Variants in SPTSSA observed in about 807,000 individuals in gnomAD.
SPTSSA encodes the protein small subunit of serine palmitoyltransferase A.
In SPTSSA, 8 loss-of-function variants were observed where a neutral mutation model predicts 9.1. That is an observed-to-expected ratio of 0.88 (90% confidence interval 0.51 to 1.58). SPTSSA has a LOEUF of 1.58. SPTSSA is among the 40% of genes most tolerant of loss of function. The pLI is 0.00. For synonymous variants in SPTSSA, 42 were observed against 37.7 expected, an observed-to-expected ratio of 1.11 and a Z score of -0.41; for missense variants, 100 against 93.8, an observed-to-expected ratio of 1.07 and a Z score of -0.27.
intron 1 of SPTSSA, among the ~76,000 whole-genome samples, chr14:34,443,363 T>TGTGTGTGA (rs1232914515): frequency 6.3e-5 from 1 of 15,872 alleles, no homozygotes; most frequent in African/African-American, 3.2e-4. Context: ...TGAGTGTGTG[T>TGTGTGTGA]GTGTGTGTGT....
intron 1 of SPTSSA, among the ~76,000 whole-genome samples, chr14:34,450,861 T>C (rs1466039101): frequency 6.6e-6 from 1 of 152,198 alleles, no homozygotes; most frequent in Non-Finnish European, 1.5e-5. Flanking sequence ...TCAGAGGTTA[T>C]TCATAACCTG....
chr14:34,435,030 G>T lies in SPTSSA; in HGVS notation c.*171C>A. 2.2e-6 allele frequency: 1 copy of T among 448,820 alleles called. No homozygotes were observed. The highest frequency in any genetic ancestry group is 4.0e-6 in the Non-Finnish European group (1 of 249,140). The allele number at this position is 448,820 out of a possible 1,614,324, so 27.8% of individuals were successfully genotyped here. ...AGCCTCTTTGAAAATTAAAAATAAA[G>T]AACACAACACATGAGTCAGGATGAT... On this transcript the variant is annotated 3_prime_UTR_variant, in exon 2 of 2. Coordinates refer to ENST00000298130, the MANE Select transcript of SPTSSA (RefSeq NM_138288.4).
Position 34,435,148 on chromosome 14 carries a change from A to C in SPTSSA, c.*53T>G. On this transcript the variant is annotated 3_prime_UTR_variant, in exon 2 of 2. Coordinates refer to ENST00000298130, the MANE Select transcript of SPTSSA (RefSeq NM_138288.4). ...TATCACATCTGATGGTCTCATTCCA[A>C]CTTCGTAGGGTGGGTCTTCCCCAAG... 4 of 1,459,760 alleles carry C rather than the reference A, an allele frequency of 2.7e-6. No individual in the cohort carries two copies. In the Admixed American group the frequency reaches 5.4e-5, roughly 20 times the overall value. 90.4% of individuals were successfully genotyped at this position (1,459,760 alleles called of 1,614,324 possible).
chr14:34,450,925 A>G (rs148336586), intron 1 of SPTSSA, among the ~76,000 whole-genome samples: 2,242 of 152,290 alleles, frequency 0.015, 31 homozygotes, highest in Middle Eastern at 0.048. Flanking sequence ...AGTAGATGTG[A>G]AGCCATATAT....
intron 1 of SPTSSA, among the ~76,000 whole-genome samples, chr14:34,443,908 A>G (rs1883376073): frequency 6.6e-6 from 1 of 152,150 alleles, no homozygotes; most frequent in South Asian, 2.1e-4. Flanking sequence ...AAATTTGCAA[A>G]CTATTTGTGA....
At chr14:34,442,085 A>G (rs1309243452) in intron 1 of SPTSSA, among the ~76,000 whole-genome samples, 1 of 152,138 alleles carries the variant, frequency 6.6e-6, no homozygotes, top group Non-Finnish European at 1.5e-5. Context: ...CATGTTGGCC[A>G]GGCTGGTCTC....
rs181057159 is a variant in SPTSSA at position 34,451,526 on chromosome 14, G to A, written c.112+10570C>T. Among the ~76,000 whole-genome samples the A allele has an allele frequency of 2.5e-3, 386 of 151,858 alleles. 2 individuals carry two copies. The highest frequency in any genetic ancestry group is 5.1e-3 in the East Asian group (26 of 5,140). On this transcript the variant is annotated intron_variant, in intron 1 of 1. Coordinates refer to ENST00000298130, the MANE Select transcript of SPTSSA (RefSeq NM_138288.4). ...ATCACGAGGTCAGGAGATCGAGACC[G>A]TCCTGGCTAACACGGTGAAACCCCG... is the stretch of plus-strand genomic sequence containing the variant.
chr14:34,462,116 G>A lies in SPTSSA; in HGVS notation c.92C>T (p.Pro31Leu). ...LLVTALYMLE[P>L]WERTVFNSML... The stretch of plus-strand genomic sequence containing the variant: ...GATACTGAACACCGTCCGCTCCCAG[G>A]GCTCCAGCATGTAGAGCGCCGTGAC... Residue 31 changes from proline to leucine, a missense_variant, in exon 1 of 2, where the codon CCC (proline) becomes CTC (leucine). Transcript: ENST00000298130. 2 of 1,516,828 alleles carry A rather than the reference G, an allele frequency of 1.3e-6. No homozygotes were observed. The highest frequency in any genetic ancestry group is 1.8e-6 in the Non-Finnish European group (2 of 1,127,358). 94.0% of individuals were successfully genotyped at this position (1,516,828 alleles called of 1,614,324 possible). A position where few individuals can be genotyped will look rare whatever the true frequency, so the allele number is the denominator to read the frequency against.
At chr14:34,444,795 T>G (rs1883391906) in intron 1 of SPTSSA, among the ~76,000 whole-genome samples, 1 of 150,776 alleles carries the variant, frequency 6.6e-6, no homozygotes, top group African/African-American at 2.4e-5. Context: ...TAACATGCAA[T>G]TAAGACTACC....
chr14:34,450,452 G>A (rs1883499125), intron 1 of SPTSSA, among the ~76,000 whole-genome samples: 1 of 152,146 alleles, frequency 6.6e-6, no homozygotes, highest in Non-Finnish European at 1.5e-5. Context: ...TCCGTTTTAT[G>A]CAATACACAT....
chr14:34,459,642 G>A (rs558193546), intron 1 of SPTSSA, among the ~76,000 whole-genome samples: 3 of 151,936 alleles, frequency 2.0e-5, no homozygotes, highest in African/African-American at 7.2e-5. Context: ...TTAGCCAGGC[G>A]TGGTGGCAGG....
chr14:34,455,931 C>CA (rs113785088), intron 1 of SPTSSA, among the ~76,000 whole-genome samples: 27,669 of 139,366 alleles, frequency 0.2, 2,723 homozygotes, highest in East Asian at 0.3. Flanking sequence ...GACTCCATCT[C>CA]AAAAAAAAAA....
In SPTSSA at chr14:34,434,317, T is replaced by G. The variant is rs1265793972; in HGVS notation, c.*884A>C. The stretch of plus-strand genomic sequence containing the variant: ...TTTTGCTATAATTTTTAACAACAAT[T>G]CGTCTCATCATAACTTAATGCAATG... On this transcript the variant is annotated 3_prime_UTR_variant, in exon 2 of 2. Transcript: ENST00000298130. 1 of 152,648 alleles carries G rather than the reference T, an allele frequency of 6.6e-6. No individual in the cohort carries two copies. The highest frequency in any genetic ancestry group is 1.5e-5 in the Non-Finnish European group (1 of 68,038). The allele number at this position is 152,648 out of a possible 1,614,324, so 9.5% of individuals were successfully genotyped here. A position where few individuals can be genotyped will look rare whatever the true frequency, so the allele number is the denominator to read the frequency against.
chr14:34,453,572 C>A (rs1397547607), intron 1 of SPTSSA, among the ~76,000 whole-genome samples: 1 of 152,210 alleles, frequency 6.6e-6, no homozygotes, highest in Admixed American at 6.5e-5. Context: ...TCTGGGACAT[C>A]CAAGTTATTC....
chr14:34,447,576 A>G (rs1487466526), intron 1 of SPTSSA, among the ~76,000 whole-genome samples: 2 of 152,166 alleles, frequency 1.3e-5, no homozygotes, highest in African/African-American at 4.8e-5. Context: ...GAGTGGTGCT[A>G]TGGCCCTAAG....
In SPTSSA at chr14:34,462,202, C is replaced by A. The variant is rs368600251; in HGVS notation, c.6G>T (p.Ala2=). The A allele has an allele frequency of 1.8e-5, 27 of 1,529,230 alleles. No homozygotes were observed. Among genetic ancestry groups the A allele is most frequent in the Non-Finnish European group, 2.4e-5 (27 of 1,133,746 alleles). 94.7% of individuals were successfully genotyped at this position (1,529,230 alleles called of 1,614,324 possible). ...TCCAGGCCCGCGCCAGCGCCATCCCCGCCATGCGCCTCCCGCGATGCAGCT... is the reference window on the plus strand; with the variant it reads ...TCCAGGCCCGCGCCAGCGCCATCCCAGCCATGCGCCTCCCGCGATGCAGCT... M[A]GMALARAWKQ... The change falls in exon 1 of 2, where the codon GCG becomes GCT. Residue 2 remains alanine (A), a synonymous_variant. Transcript: ENST00000298130.
chr14:34,459,779 TCA>T (rs112310300), intron 1 of SPTSSA, among the ~76,000 whole-genome samples: 1 of 151,724 alleles, frequency 6.6e-6, no homozygotes, highest in Non-Finnish European at 1.5e-5. Context: ...AAACACTGTC[TCA>T]CACACACACA....
intron 1 of SPTSSA, among the ~76,000 whole-genome samples, chr14:34,455,169 C>T (rs1883595427): frequency 1.3e-5 from 2 of 151,532 alleles, no homozygotes; most frequent in African/African-American, 2.4e-5. Flanking sequence ...GGGCGGATCA[C>T]GAGGTTGGGA....
At chr14:34,441,655 G>GGAC (rs1883318249) in intron 1 of SPTSSA, among the ~76,000 whole-genome samples, 2 of 151,648 alleles carry the variant, frequency 1.3e-5, no homozygotes, top group South Asian at 4.2e-4. Context: ...TCCATACAGG[G>GGAC]GACTCTCTCT....
Sources: gnomAD v4.1 joint callset for allele counts (sites outside exome capture counted in the v4.1 genomes callset) on GRCh38, gnomAD v4.1.1 for gene constraint, MANE v1.5 for transcripts, NCBI Gene and HGNC (gene_info 2026-07-23, HGNC 2026-07-21) for gene names.